Variants in DAB1 observed in about 807,000 individuals in gnomAD.
The protein encoded by DAB1 is DAB adaptor protein 1, also known as disabled homolog 1.
DAB1 carries 15 observed loss-of-function variants against 64.6 expected under a neutral mutation model. The observed-to-expected ratio is 0.23, with a 90% CI of 0.16 to 0.36. The LOEUF (loss-of-function observed/expected upper bound fraction) is 0.36, where lower values mean the gene tolerates loss of function less well. DAB1 is among the 10% of genes least tolerant of loss of function. The pLI is 1.00. For synonymous variants in DAB1, 235 were observed against 251.9 expected, an observed-to-expected ratio of 0.93 and a Z score of 0.64; for missense variants, 596 against 706.7, an observed-to-expected ratio of 0.84 and a Z score of 1.78.
At chr1:57,944,050 C>T (rs1034562489) in intron 5 of DAB1, among the ~76,000 whole-genome samples, 1 of 152,178 alleles carries the variant, frequency 6.6e-6, no homozygotes, top group Non-Finnish European at 1.5e-5. Context: ...TAGACAAATG[C>T]TGTCCACCCT....
chr1:57,943,497 T>A (rs1030347789), intron 5 of DAB1, among the ~76,000 whole-genome samples: 1 of 152,210 alleles, frequency 6.6e-6, no homozygotes, highest in South Asian at 2.1e-4. Flanking sequence ...CCATTGGCCT[T>A]GCCCTCTAAA....
At chr1:57,660,060 TA>T (rs1201458789) in intron 6 of DAB1, among the ~76,000 whole-genome samples, 1 of 151,730 alleles carries the variant, frequency 6.6e-6, no homozygotes, top group Non-Finnish European at 1.5e-5. Context: ...GCTTAGTTAA[TA>T]AAGAACACAT....
At chr1:57,316,815 T>G (rs1368981881) in intron 1 of DAB1, among the ~76,000 whole-genome samples, 1 of 152,102 alleles carries the variant, frequency 6.6e-6, no homozygotes, top group Non-Finnish European at 1.5e-5. Context: ...GACATTCAGA[T>G]TCTGAGGTAA....
intron 1 of DAB1, among the ~76,000 whole-genome samples, chr1:57,338,346 G>A (rs1677274386): frequency 6.6e-6 from 1 of 152,174 alleles, no homozygotes; most frequent in Middle Eastern, 3.4e-3. Flanking sequence ...TTCCTGGAAA[G>A]ACAGAGTTTT....
At chr1:57,166,793 C>A (rs1054225379) in intron 2 of DAB1, among the ~76,000 whole-genome samples, 5 of 152,164 alleles carry the variant, frequency 3.3e-5, no homozygotes, top group Non-Finnish European at 7.3e-5. Context: ...CATTATTGGG[C>A]ACCCATCATA....
chr1:58,422,876 G>C (rs752209588), intron 3 of DAB1, among the ~76,000 whole-genome samples: 5 of 152,120 alleles, frequency 3.3e-5, no homozygotes, highest in African/African-American at 4.8e-5. Flanking sequence ...CAGAAGCAAG[G>C]CTTCTCTCAC....
rs138166563 is a variant in DAB1, at chr1:57,411,772, G to A, written c.-137+12158C>T. 3.6e-4 allele frequency among the ~76,000 whole-genome samples: 55 copies of A among 152,364 alleles called. 2 individuals carry two copies. The East Asian group carries it at 0.01, about 28-fold the overall frequency. ...GCCCTCTGCACTATCAGGCTGCAAA[G>A]GAGGGCAGTGACCTGTCGAGGGTGG... On this transcript the variant is annotated intron_variant, in intron 1 of 14. Transcript: ENST00000371236.
At chr1:58,239,259 C>A (rs1457660976) in intron 4 of DAB1, among the ~76,000 whole-genome samples, 2 of 152,228 alleles carry the variant, frequency 1.3e-5, no homozygotes, top group African/African-American at 4.8e-5. Flanking sequence ...CCAGCCCAGA[C>A]TGACTTAGGA....
chr1:57,833,719 T>G, intron 1 of DAB1, among the ~76,000 whole-genome samples: 1 of 152,218 alleles, frequency 6.6e-6, no homozygotes, highest in Non-Finnish European at 1.5e-5. Flanking sequence ...CTGAATATTT[T>G]CAAACTCATT....
At chr1:57,047,475 A>G (rs1259917082) in intron 9 of DAB1, among the ~76,000 whole-genome samples, 1 of 152,128 alleles carries the variant, frequency 6.6e-6, no homozygotes, top group Non-Finnish European at 1.5e-5. Flanking sequence ...GAAGGGGAAG[A>G]GATCTCTCTT....
intron 1 of DAB1, chr1:57,865,136 C>A (rs989394421): frequency 2.0e-5 from 3 of 152,228 alleles, no homozygotes; most frequent in East Asian, 1.9e-4. Flanking sequence ...TGTCTCCTTC[C>A]AGGGAGTAGA....
rs543323205 is a variant in DAB1 at position 57,457,666 on chromosome 1, T to G, written n.626-166500A>C. Among the ~76,000 whole-genome samples, 260 of 152,168 alleles carry G rather than the reference T, an allele frequency of 1.7e-3. 1 individual carries two copies. Among genetic ancestry groups the G allele is most frequent in the Admixed American group, 2.8e-3 (42 of 15,268 alleles). On this transcript the variant is annotated intron_variant and non_coding_transcript_variant, in intron 7 of 20. Coordinates refer to the DAB1 transcript ENST00000485760. ...GTAACCGTAAAATGAAAGTCTGCAT[T>G]GGAAGTGGTAAAAGAACAGAACTGA...
chr1:58,321,280 G>A (rs17117310), intron 4 of DAB1, among the ~76,000 whole-genome samples: 8,971 of 152,298 alleles, frequency 0.059, 908 homozygotes, highest in African/African-American at 0.21. Flanking sequence ...TGTCTGGAAA[G>A]AGTTCTCTTA....
At chr1:58,494,576 AAAAC>A (rs1320841369) in intron 3 of DAB1, among the ~76,000 whole-genome samples, 3 of 152,180 alleles carry the variant, frequency 2.0e-5, no homozygotes, top group African/African-American at 7.2e-5. Context: ...TTACAAGAAA[AAAAC>A]AAACAACCCC....
intron 5 of DAB1, among the ~76,000 whole-genome samples, chr1:57,995,255 A>T (rs942543205): frequency 6.6e-6 from 1 of 152,170 alleles, no homozygotes; most frequent in Admixed American, 6.5e-5. Context: ...AAGTGAGAGA[A>T]GAGCAAAAAG....
In DAB1 at chr1:58,280,314, C is replaced by A. The variant is rs150093343; in HGVS notation, n.309+63038G>T. Among the ~76,000 whole-genome samples the A allele has an allele frequency of 2.6e-3, 391 of 152,304 alleles. 2 individuals carry two copies. The highest frequency in any genetic ancestry group is 4.8e-3 in the Non-Finnish European group (328 of 68,026). ...TCTTTCTGGGCATTTAGCAGAAGGG[C>A]TGAAGCTGGTGTGGAAACAAGAATA... On this transcript the variant is annotated intron_variant and non_coding_transcript_variant, in intron 4 of 20. Transcript: ENST00000485760.
At chr1:57,069,332 A>G in intron 8 of DAB1, 28 bp downstream of exon 8, 1 of 1,578,888 alleles carries the variant, frequency 6.3e-7, no homozygotes, top group Non-Finnish European at 8.7e-7. Context: ...TAGTGGTGCA[A>G]TGGTAAGAGA....
intron 7 of DAB1, among the ~76,000 whole-genome samples, chr1:57,443,284 G>A (rs866562259): frequency 6.6e-6 from 1 of 152,266 alleles, no homozygotes; most frequent in Middle Eastern, 3.4e-3. Flanking sequence ...GGTTATAGGA[G>A]GGATTGAGAT....
chr1:57,678,421 G>C (rs1183064490), intron 6 of DAB1, among the ~76,000 whole-genome samples: 1 of 152,162 alleles, frequency 6.6e-6, no homozygotes, highest in African/African-American at 2.4e-5. Context: ...TGCCAGGTAG[G>C]GGGCAGGTTA....
Sources: gnomAD v4.1 joint callset for allele counts (sites outside exome capture counted in the v4.1 genomes callset) on GRCh38, gnomAD v4.1.1 for gene constraint, MANE v1.5 for transcripts, NCBI Gene and HGNC (gene_info 2026-07-23, HGNC 2026-07-21) for gene names.